Variants in NRG3 observed in about 807,000 individuals in gnomAD.
NRG3 encodes the protein pro-neuregulin-3, membrane-bound isoform.
NRG3 carries 31 observed loss-of-function variants against 66.9 expected under a neutral mutation model. The ratio of observed to expected loss-of-function variants is 0.46; its 90% CI spans 0.35 to 0.63. The LOEUF is 0.63. Ranked by LOEUF, NRG3 falls within the 20% of genes least tolerant of loss-of-function variation. NRG3 has a pLI of 0.00. For missense variants in NRG3, 910 were observed against 878.9 expected, an observed-to-expected ratio of 1.04 and a Z score of -0.45; for synonymous variants, 393 against 359.4, an observed-to-expected ratio of 1.09 and a Z score of -1.06.
At chr10:82,888,994 G>A (rs1450302126) in intron 4 of NRG3, among the ~76,000 whole-genome samples, 2 of 152,138 alleles carry the variant, frequency 1.3e-5, no homozygotes, top group Non-Finnish European at 1.5e-5. Flanking sequence ...GATGAGGTCA[G>A]AAAGGTTACC....
intron 1 of NRG3, among the ~76,000 whole-genome samples, chr10:82,357,931 TGTG>T (rs1377865074): frequency 6.6e-6 from 1 of 152,182 alleles, no homozygotes; most frequent in East Asian, 1.9e-4. Flanking sequence ...TGTTGAATGT[TGTG>T]GTGGAATTGG....
chr10:82,143,319 A>T (rs529698537), intron 1 of NRG3, among the ~76,000 whole-genome samples: 3 of 152,166 alleles, frequency 2.0e-5, no homozygotes, highest in Non-Finnish European at 4.4e-5. Flanking sequence ...CTCAGAATTC[A>T]GTATACCACT....
chr10:82,747,971 T>C (rs2058711179), intron 3 of NRG3, among the ~76,000 whole-genome samples: 1 of 151,614 alleles, frequency 6.6e-6, no homozygotes, highest in Non-Finnish European at 1.5e-5. Flanking sequence ...TTAAGAGTAA[T>C]ATGTTTAAAA....
chr10:82,673,046 C>T (rs1034314551), intron 2 of NRG3, among the ~76,000 whole-genome samples: 1 of 152,224 alleles, frequency 6.6e-6, no homozygotes, highest in Non-Finnish European at 1.5e-5. Flanking sequence ...CCACCGTGCC[C>T]AGCCCTTCAT....
At chr10:82,890,234 A>G (rs1356968175) in intron 4 of NRG3, among the ~76,000 whole-genome samples, 1 of 152,026 alleles carries the variant, frequency 6.6e-6, no homozygotes, top group East Asian at 1.9e-4. Context: ...AAAAAACCTA[A>G]ATATGTTGCT....
intron 1 of NRG3, among the ~76,000 whole-genome samples, chr10:81,876,678 G>A (rs1841690045): frequency 6.6e-6 from 1 of 152,188 alleles, no homozygotes; most frequent in Admixed American, 6.5e-5. Context: ...GGAGATAATG[G>A]TAGAATGTTG....
In NRG3 at chr10:82,970,810, T is replaced by C. The variant is rs567460050; in HGVS notation, c.1285-2978T>C. Among the ~76,000 whole-genome samples the C allele has an allele frequency of 4.6e-5, 7 of 152,318 alleles. No homozygotes were observed. In the East Asian group the frequency reaches 1.3e-3, roughly 29 times the overall value. ...TTTCTCCCATAAGGTTAGGAATACA[T>C]CTCCCATATAGTTTTATAAAGGTTT... On this transcript the variant is annotated intron_variant, in intron 6 of 8. Transcript: ENST00000372141.
chr10:82,405,288 A>C (rs977014491), intron 2 of NRG3, among the ~76,000 whole-genome samples: 1 of 152,074 alleles, frequency 6.6e-6, no homozygotes, highest in African/African-American at 2.4e-5. Context: ...CAGCCCTTGC[A>C]AAGACCCTGT....
At chr10:82,309,472 A>C (rs1329906817) in intron 1 of NRG3, among the ~76,000 whole-genome samples, 1 of 152,154 alleles carries the variant, frequency 6.6e-6, no homozygotes, top group Non-Finnish European at 1.5e-5. Flanking sequence ...ATTACAAAAA[A>C]AAAAAAATAG....
At chr10:82,223,310 T>G (rs1466014241) in intron 1 of NRG3, among the ~76,000 whole-genome samples, 4 of 152,082 alleles carry the variant, frequency 2.6e-5, no homozygotes, top group Admixed American at 6.6e-5. Context: ...GTGTGTTACT[T>G]TGAATGTATC....
chr10:82,281,087 G>A (rs11193401), intron 1 of NRG3, among the ~76,000 whole-genome samples: 21,585 of 152,186 alleles, frequency 0.14, 1,631 homozygotes, highest in East Asian at 0.22. Context: ...ATAACCCTGG[G>A]ATTACATTGG....
intron 4 of NRG3, among the ~76,000 whole-genome samples, chr10:82,923,083 C>A (rs1315021076): frequency 6.6e-6 from 1 of 152,190 alleles, no homozygotes; most frequent in Non-Finnish European, 1.5e-5. Flanking sequence ...CCTTCCAATC[C>A]ATTCTCCACA....
At chr10:82,559,555 C>T (rs1487109511) in intron 2 of NRG3, among the ~76,000 whole-genome samples, 1 of 152,072 alleles carries the variant, frequency 6.6e-6, no homozygotes, top group Non-Finnish European at 1.5e-5. Flanking sequence ...AAGGGTTGGA[C>T]CCAGAAGGAC....
intron 3 of NRG3, among the ~76,000 whole-genome samples, chr10:82,851,293 T>C (rs888890207): frequency 3.9e-5 from 6 of 152,190 alleles, no homozygotes; most frequent in African/African-American, 1.2e-4. Flanking sequence ...GGCCTAAGCA[T>C]TGGTGCTCTT....
intron 2 of NRG3, among the ~76,000 whole-genome samples, chr10:82,553,721 G>A (rs1469039234): frequency 1.3e-5 from 2 of 152,116 alleles, no homozygotes; most frequent in Non-Finnish European, 2.9e-5. Flanking sequence ...AATGAGTAGG[G>A]TGGGGGAATA....
intron 2 of NRG3, among the ~76,000 whole-genome samples, chr10:82,715,486 C>T (rs778518302): frequency 1.3e-5 from 2 of 152,088 alleles, no homozygotes; most frequent in Admixed American, 6.6e-5. Context: ...TATTCTAGAA[C>T]GGTACATTTT....
At chr10:81,879,116 G>A (rs75614869) in intron 1 of NRG3, among the ~76,000 whole-genome samples, 3,132 of 152,292 alleles carry the variant, frequency 0.021, 67 homozygotes, top group East Asian at 0.1. Flanking sequence ...GTCCTCCACC[G>A]TTTAGGCCGT....
intron 1 of NRG3, among the ~76,000 whole-genome samples, chr10:82,079,947 T>A (rs1222336663): frequency 6.6e-6 from 1 of 152,118 alleles, no homozygotes; most frequent in Non-Finnish European, 1.5e-5. Flanking sequence ...CTGCTATAAA[T>A]AAAGAAATCA....
At chr10:82,440,589 A>T (rs1277934764) in intron 2 of NRG3, among the ~76,000 whole-genome samples, 1 of 151,972 alleles carries the variant, frequency 6.6e-6, no homozygotes, top group Non-Finnish European at 1.5e-5. Flanking sequence ...TATCTGTAAC[A>T]TTGCTTAAAC....
Sources: gnomAD v4.1 joint callset for allele counts (sites outside exome capture counted in the v4.1 genomes callset) on GRCh38, gnomAD v4.1.1 for gene constraint, MANE v1.5 for transcripts, NCBI Gene and HGNC (gene_info 2026-07-23, HGNC 2026-07-21) for gene names.